IMMP2L: variants seen among roughly 807,000 people sequenced by gnomAD.
IMMP2L encodes the protein mitochondrial inner membrane protease subunit 2.
In IMMP2L, 18 loss-of-function variants were observed where a neutral mutation model predicts 19.3. The ratio of observed to expected loss-of-function variants is 0.93; its 90% CI spans 0.64 to 1.38. IMMP2L has a LOEUF of 1.38. Ranked by LOEUF, IMMP2L falls within the 40% of genes most tolerant of loss-of-function variation. The pLI, the probability that IMMP2L is intolerant of heterozygous loss-of-function variation, is 0.00. For synonymous variants in IMMP2L, 76 were observed against 73.0 expected, an observed-to-expected ratio of 1.04 and a Z score of -0.21; for missense variants, 233 against 218.2, an observed-to-expected ratio of 1.07 and a Z score of -0.43.
intron 3 of IMMP2L, among the ~76,000 whole-genome samples, chr7:111,053,545 G>C (rs1793210756): frequency 6.6e-6 from 1 of 152,214 alleles, no homozygotes; most frequent in Non-Finnish European, 1.5e-5. Flanking sequence ...CCTTTCCCTA[G>C]TGTCAGCTGT....
At chr7:111,272,062 C>G (rs74358464) in intron 3 of IMMP2L, among the ~76,000 whole-genome samples, 1,569 of 152,248 alleles carry the variant, frequency 0.01, 28 homozygotes, top group African/African-American at 0.035. Flanking sequence ...GTAATGCAGA[C>G]AGAATAACTG....
At chr7:111,502,565 T>G (rs923956441) in intron 2 of IMMP2L, among the ~76,000 whole-genome samples, 2 of 152,118 alleles carry the variant, frequency 1.3e-5, no homozygotes, top group Non-Finnish European at 2.9e-5. Context: ...GACCACATAG[T>G]TGGAAGTAAA....
chr7:111,479,392 AT>A (rs1841990465), intron 3 of IMMP2L, among the ~76,000 whole-genome samples: 2 of 152,118 alleles, frequency 1.3e-5, no homozygotes, highest in African/African-American at 4.8e-5. Context: ...AAACTAGTCC[AT>A]TTACAGCCAG....
chr7:111,117,615 C>T (rs879882087), intron 3 of IMMP2L, among the ~76,000 whole-genome samples: 1 of 151,898 alleles, frequency 6.6e-6, no homozygotes, highest in Non-Finnish European at 1.5e-5. Flanking sequence ...CAGTCTTTTA[C>T]AAGGATGCAT....
chr7:111,174,506 C>T (rs538560765), intron 3 of IMMP2L, among the ~76,000 whole-genome samples: 71 of 151,766 alleles, frequency 4.7e-4, no homozygotes, highest in African/African-American at 1.6e-3. Flanking sequence ...AAAAATATTA[C>T]CGAATTTCAA....
chr7:111,033,668 G>C (rs73435146), intron 3 of IMMP2L, among the ~76,000 whole-genome samples: 73,949 of 151,934 alleles, frequency 0.49, 18,981 homozygotes, highest in Non-Finnish European at 0.58. Flanking sequence ...GAAAAATCAT[G>C]GAAGAACCAT....
intron 5 of IMMP2L, among the ~76,000 whole-genome samples, chr7:110,858,332 T>C (rs1486291200): frequency 2.0e-5 from 3 of 152,210 alleles, no homozygotes; most frequent in Middle Eastern, 3.4e-3. Context: ...GTATCCTCCT[T>C]GTTCCTAAAA....
chr7:110,895,996 A>C (rs1409302020), intron 4 of IMMP2L, among the ~76,000 whole-genome samples: 1 of 151,994 alleles, frequency 6.6e-6, no homozygotes, highest in Non-Finnish European at 1.5e-5. Flanking sequence ...TAATTAAAAA[A>C]AATGTTTTAG....
intron 3 of IMMP2L, among the ~76,000 whole-genome samples, chr7:111,113,021 T>C (rs1488128270): frequency 6.6e-6 from 1 of 152,198 alleles, no homozygotes; most frequent in Admixed American, 6.5e-5. Flanking sequence ...TTTTATTTAA[T>C]AGCAATGAGA....
chr7:110,971,473 C>T (rs1820137162), intron 3 of IMMP2L, among the ~76,000 whole-genome samples: 1 of 152,060 alleles, frequency 6.6e-6, no homozygotes, highest in Non-Finnish European at 1.5e-5. Flanking sequence ...GCCAACATGC[C>T]ATCCCATGGA....
intron 3 of IMMP2L, among the ~76,000 whole-genome samples, chr7:111,098,826 C>A (rs1797671843): frequency 6.6e-6 from 1 of 151,700 alleles, no homozygotes; most frequent in Non-Finnish European, 1.5e-5. Flanking sequence ...AGCCTTTGTG[C>A]ATGAGGCAAC....
intron 3 of IMMP2L, among the ~76,000 whole-genome samples, chr7:111,469,968 C>T (rs1251201661): frequency 6.6e-6 from 1 of 152,004 alleles, no homozygotes; most frequent in Non-Finnish European, 1.5e-5. Context: ...TTTTCGCAAG[C>T]TACTCATCTG....
chr7:110,702,316 T>C (rs28640177), intron 5 of IMMP2L, among the ~76,000 whole-genome samples: 1,981 of 152,272 alleles, frequency 0.013, 47 homozygotes, highest in African/African-American at 0.045. Flanking sequence ...TTTTGGCTCA[T>C]ATATTATTTG....
chr7:111,107,052 A>G (rs1375368355), intron 3 of IMMP2L, among the ~76,000 whole-genome samples: 2 of 152,008 alleles, frequency 1.3e-5, no homozygotes, highest in African/African-American at 2.4e-5. Context: ...AAATCAGAGA[A>G]GAGACAGTTA....
At chr7:110,712,554 G>C (rs534754262) in intron 5 of IMMP2L, among the ~76,000 whole-genome samples, 1,269 of 26,480 alleles carry the variant, frequency 0.048, 319 homozygotes, top group Middle Eastern at 0.086. Context: ...CGAGCTTCCC[G>C]GCTGCTTTGT....
At chr7:111,499,901 T>G (rs190754441) in intron 2 of IMMP2L, among the ~76,000 whole-genome samples, 2,494 of 152,222 alleles carry the variant, frequency 0.016, 65 homozygotes, top group African/African-American at 0.057. Flanking sequence ...GGGTGATTTC[T>G]GCATTTCCAT....
intron 5 of IMMP2L, among the ~76,000 whole-genome samples, chr7:110,805,063 T>C (rs78741071): frequency 0.022 from 3,349 of 152,232 alleles, 59 homozygotes; most frequent in Middle Eastern, 0.044. Flanking sequence ...AATATTACCA[T>C]AGATGCTACA....
At chr7:111,551,674 G>C (rs1849478341) in intron 1 of IMMP2L, among the ~76,000 whole-genome samples, 1 of 151,982 alleles carries the variant, frequency 6.6e-6, no homozygotes, top group South Asian at 2.1e-4. Context: ...GATGGTTCTG[G>C]CAGGATCCAC....
At chr7:111,553,768 A>G (rs1431532653) in intron 1 of IMMP2L, among the ~76,000 whole-genome samples, 1 of 152,230 alleles carries the variant, frequency 6.6e-6, no homozygotes, top group Non-Finnish European at 1.5e-5. Context: ...ATGGTAAAAT[A>G]TTAAATCAAA....
Sources: allele counts gnomAD v4.1 joint callset (sites outside exome capture counted in the v4.1 genomes callset), GRCh38; gene constraint gnomAD v4.1.1; transcripts MANE v1.5; gene names NCBI Gene and HGNC (gene_info 2026-07-23, HGNC 2026-07-21).